Variants in SPHKAP observed in about 807,000 individuals in gnomAD.
SPHKAP encodes A-kinase anchor protein SPHKAP.
A neutral mutation model predicts 137.5 loss-of-function variants in SPHKAP; 67 were observed. The observed-to-expected ratio is 0.49, with a 90% CI of 0.40 to 0.60. The LOEUF (loss-of-function observed/expected upper bound fraction) is 0.60. Ranked by LOEUF, SPHKAP falls within the 20% of genes least tolerant of loss-of-function variation. SPHKAP has a pLI of 0.00. For missense variants in SPHKAP, 2,097 were observed against 2,069.3 expected (o/e 1.01, Z -0.26); for synonymous variants, 813 against 785.3 (o/e 1.04, Z -0.59).
chr2:228,179,151 T>A (rs10200875), intron 1 of SPHKAP, among the ~76,000 whole-genome samples: 1 of 152,096 alleles, frequency 6.6e-6, no homozygotes, highest in African/African-American at 2.4e-5. Flanking sequence ...TTAAGTAGAA[T>A]GTCTTAAATT....
chr2:228,108,320 G>C (rs1000355620), intron 3 of SPHKAP, among the ~76,000 whole-genome samples: 1 of 152,108 alleles, frequency 6.6e-6, no homozygotes, highest in African/African-American at 2.4e-5. Context: ...CTTTTCCCTT[G>C]GAAAAGAAAG....
intron 1 of SPHKAP, among the ~76,000 whole-genome samples, chr2:228,162,693 T>TTTTA (rs1256267211): frequency 1.3e-5 from 2 of 152,034 alleles, no homozygotes; most frequent in African/African-American, 2.4e-5. Context: ...AAGCCCTTCT[T>TTTTA]TTTATTTATT....
chr2:228,081,383 G>A (rs536233378), intron 3 of SPHKAP, among the ~76,000 whole-genome samples: 191 of 152,292 alleles, frequency 1.3e-3, no homozygotes, highest in African/African-American at 4.4e-3. Context: ...TTCTAGGCAT[G>A]TCCTTAACCT....
intron 3 of SPHKAP, among the ~76,000 whole-genome samples, chr2:228,082,387 G>A (rs1229934424): frequency 6.6e-6 from 1 of 152,158 alleles, no homozygotes; most frequent in African/African-American, 2.4e-5. Context: ...TCATGGGGTT[G>A]CTGTAAAACC....
chr2:228,113,802 TCTC>T, intron 2 of SPHKAP, among the ~76,000 whole-genome samples: 1 of 152,014 alleles, frequency 6.6e-6, no homozygotes, highest in Non-Finnish European at 1.5e-5. Context: ...ACCATGTAAG[TCTC>T]CTCCTCCCTT....
chr2:228,011,888 A>C (rs1389049180), intron 7 of SPHKAP, among the ~76,000 whole-genome samples: 1 of 152,142 alleles, frequency 6.6e-6, no homozygotes, highest in Non-Finnish European at 1.5e-5. Context: ...TATACAGGCC[A>C]GGCCCAGTGG....
At chr2:228,101,392 G>C (rs1359206338) in intron 3 of SPHKAP, among the ~76,000 whole-genome samples, 1 of 152,064 alleles carries the variant, frequency 6.6e-6, no homozygotes, top group Non-Finnish European at 1.5e-5. Context: ...TAATTTCCAT[G>C]TGCTTAAATA....
At chr2:228,122,716 A>G (rs1698951706) in intron 2 of SPHKAP, among the ~76,000 whole-genome samples, 1 of 152,186 alleles carries the variant, frequency 6.6e-6, no homozygotes, top group South Asian at 2.1e-4. Context: ...AGAGAAAATG[A>G]GCCCTTAATC....
intron 3 of SPHKAP, among the ~76,000 whole-genome samples, chr2:228,055,731 A>AG (rs1696416144): frequency 1.4e-4 from 21 of 152,330 alleles, no homozygotes; most frequent in Admixed American, 1.1e-3. Flanking sequence ...TGGCAGCCTC[A>AG]GCTGCCATCT....
rs945440421 is a variant in SPHKAP, at chr2:228,044,213, T to C, written c.247-16670A>G. ...CATGCTGCAATCTCATTGGTATAGG[T>C]AAAATTTATTAAAAATCCCAACAAC... On this transcript the variant is annotated intron_variant, in intron 3 of 11. Coordinates refer to ENST00000392056, the MANE Select transcript of SPHKAP (RefSeq NM_001142644.2). 1.4e-4 allele frequency among the ~76,000 whole-genome samples: 22 copies of C among 152,276 alleles called. 1 individual carries two copies. Among genetic ancestry groups the C allele is most frequent in the African/African-American group, 5.3e-4 (22 of 41,564 alleles).
At chr2:228,006,419 G>T (rs148649383) in intron 7 of SPHKAP, among the ~76,000 whole-genome samples, 2 of 152,074 alleles carry the variant, frequency 1.3e-5, no homozygotes, top group Non-Finnish European at 2.9e-5. Context: ...TTCTGCATTG[G>T]TTTTTCTAGT....
Position 228,079,191 on chromosome 2 carries a change from C to T in SPHKAP, c.246+29641G>A, listed in dbSNP as rs568775602. Among the ~76,000 whole-genome samples the T allele has an allele frequency of 7.9e-5, 12 of 152,294 alleles. No individual in the cohort carries two copies. The South Asian group carries it at 1.5e-3, about 18-fold the overall frequency. ...AGGCATTAGATTCTCATGAAGAGTGCGCAATCTAGATCCCTCGCATATGCA... is the reference window on the plus strand; with the variant it reads ...AGGCATTAGATTCTCATGAAGAGTGTGCAATCTAGATCCCTCGCATATGCA... On this transcript the variant is annotated intron_variant, in intron 3 of 11. Transcript: ENST00000392056.
chr2:228,179,906 A>C (rs1321657837), intron 1 of SPHKAP, among the ~76,000 whole-genome samples: 2 of 152,222 alleles, frequency 1.3e-5, no homozygotes, highest in Non-Finnish European at 2.9e-5. Flanking sequence ...AAAGCAATCA[A>C]TCTGTTATCA....
chr2:228,121,990 G>T (rs1224510647), intron 2 of SPHKAP, among the ~76,000 whole-genome samples: 1 of 151,874 alleles, frequency 6.6e-6, no homozygotes, highest in African/African-American at 2.4e-5. Flanking sequence ...TTAGAGGAGG[G>T]ACTGAAAGAA....
chr2:227,996,980 A>G (rs1454331781), intron 7 of SPHKAP, among the ~76,000 whole-genome samples: 1 of 152,208 alleles, frequency 6.6e-6, no homozygotes, highest in Non-Finnish European at 1.5e-5. Flanking sequence ...TTATCCTGAA[A>G]CAGGAGTTGG....
chr2:228,118,994 T>A (rs577151433), intron 2 of SPHKAP, among the ~76,000 whole-genome samples: 1 of 152,324 alleles, frequency 6.6e-6, no homozygotes, highest in East Asian at 1.9e-4. Context: ...ATAACTATTA[T>A]GAAAATAACT....
At chr2:228,126,732 G>A (rs965495965) in intron 2 of SPHKAP, among the ~76,000 whole-genome samples, 1 of 152,076 alleles carries the variant, frequency 6.6e-6, no homozygotes, top group African/African-American at 2.4e-5. Context: ...AATATATATT[G>A]AAGAGTTCCT....
intron 3 of SPHKAP, among the ~76,000 whole-genome samples, chr2:228,106,990 G>A (rs995785119): frequency 2.6e-5 from 4 of 152,018 alleles, no homozygotes; most frequent in Admixed American, 6.6e-5. Flanking sequence ...TGTACAACAA[G>A]CTATTTTGAA....
In SPHKAP at chr2:228,027,541, G is replaced by T. The variant is rs1268106360; in HGVS notation, c.249C>A (p.Val83=). 6.2e-7 allele frequency: 1 copy of T among 1,613,898 alleles called. No homozygotes were observed. Among genetic ancestry groups the T allele is most frequent in the South Asian group, 1.1e-5 (1 of 91,054 alleles). Reference sequence around the variant, plus strand: ...TGTTCACATCAAGATTCACAAAGCAGACCTGGGAAAAGAGGGCAAAAATAG... The same window carrying T: ...TGTTCACATCAAGATTCACAAAGCATACCTGGGAAAAGAGGGCAAAAATAG... ...VEDKSENCAS[V]CFVNLDVNKD... is the part of the protein sequence containing the mutation. Residue 83 remains valine (V), a splice_region_variant and synonymous_variant, in exon 4 of 12, where the codon GTC becomes GTA. Coordinates refer to ENST00000392056, the MANE Select transcript of SPHKAP (RefSeq NM_001142644.2).
Sources: gnomAD v4.1 joint callset for allele counts (sites outside exome capture counted in the v4.1 genomes callset) on GRCh38, gnomAD v4.1.1 for gene constraint, MANE v1.5 for transcripts, NCBI Gene and HGNC (gene_info 2026-07-23, HGNC 2026-07-21) for gene names.